The following FBXL7 variants were observed in gnomAD, a reference collection of about 807,000 sequenced individuals.
FBXL7 encodes the protein F-box/LRR-repeat protein 7.
Under a neutral mutation model 38.3 loss-of-function variants are expected in FBXL7, and 12 were observed. The ratio of observed to expected loss-of-function variants is 0.31; its 90% CI spans 0.20 to 0.51. The LOEUF (loss-of-function observed/expected upper bound fraction) is 0.51, where lower values mean the gene tolerates loss of function less well. FBXL7 is among the 20% of genes least tolerant of loss of function. The pLI is 0.98. For missense variants in FBXL7, 567 were observed against 676.4 expected (o/e 0.84, Z 1.79); for synonymous variants, 297 against 300.9 (o/e 0.99, Z 0.13).
chr5:15,769,843 T>A (rs1736682673), intron 2 of FBXL7, among the ~76,000 whole-genome samples: 1 of 152,170 alleles, frequency 6.6e-6, no homozygotes, highest in South Asian at 2.1e-4. Flanking sequence ...AATCTTACTA[T>A]CATCATATAA....
intron 2 of FBXL7, among the ~76,000 whole-genome samples, chr5:15,658,148 A>G (rs1580439427): frequency 6.6e-6 from 1 of 152,338 alleles, no homozygotes; most frequent in South Asian, 2.1e-4. Flanking sequence ...GAAGGAGTAC[A>G]GTGTCCTGTG....
intron 1 of FBXL7, among the ~76,000 whole-genome samples, chr5:15,603,243 A>G (rs1391676865): frequency 1.3e-5 from 2 of 152,216 alleles, no homozygotes; most frequent in African/African-American, 4.8e-5. Context: ...AATCCTTTGC[A>G]TACAATAAGT....
chr5:15,540,433 C>T (rs1580359225), intron 1 of FBXL7, among the ~76,000 whole-genome samples: 1 of 152,140 alleles, frequency 6.6e-6, no homozygotes, highest in South Asian at 2.1e-4. Flanking sequence ...GTGCGAACTC[C>T]TACCTGCCTC....
chr5:15,828,306 A>T (rs1258691766), intron 2 of FBXL7, among the ~76,000 whole-genome samples: 5 of 152,220 alleles, frequency 3.3e-5, no homozygotes, highest in Non-Finnish European at 7.3e-5. Flanking sequence ...ACACCCAGAT[A>T]AATTCGATTT....
Position 15,802,647 on chromosome 5 carries a change from CA to C in FBXL7, c.128-125242del, listed in dbSNP as rs1447084521. Among the ~76,000 whole-genome samples the C allele has an allele frequency of 1.1e-4, 16 of 151,252 alleles. No homozygotes were observed. The East Asian group carries it at 2.3e-3, about 22-fold the overall frequency. On this transcript the variant is annotated intron_variant, in intron 2 of 3. Transcript: ENST00000504595. ...TAGCACTGCTCTCTCTCAGCACCAC[CA>C]CATCATCCTTTTTTTTTTTTTTAAA...
chr5:15,856,758 T>G (rs748987781), intron 2 of FBXL7, among the ~76,000 whole-genome samples: 7 of 152,084 alleles, frequency 4.6e-5, no homozygotes, highest in Non-Finnish European at 1.0e-4. Context: ...TTCTTTCTTT[T>G]CAAAATGTGA....
At chr5:15,852,299 G>C (rs147635885) in intron 2 of FBXL7, among the ~76,000 whole-genome samples, 5 of 152,282 alleles carry the variant, frequency 3.3e-5, no homozygotes, top group African/African-American at 1.2e-4. Flanking sequence ...ACTTTGTTTT[G>C]TTTTTAACCA....
At chr5:15,791,007 G>A (rs576166164) in intron 2 of FBXL7, among the ~76,000 whole-genome samples, 14 of 147,082 alleles carry the variant, frequency 9.5e-5, no homozygotes, top group Admixed American at 2.7e-4. Context: ...GGTAGACAGA[G>A]TATGGGCTGT....
At chr5:15,643,257 C>T (rs560339038) in intron 2 of FBXL7, among the ~76,000 whole-genome samples, 2 of 152,190 alleles carry the variant, frequency 1.3e-5, no homozygotes, top group Non-Finnish European at 2.9e-5. Flanking sequence ...TTTCCCCTTG[C>T]TGCAGTATTT....
At chr5:15,591,524 G>A (rs1739474802) in intron 1 of FBXL7, among the ~76,000 whole-genome samples, 1 of 152,102 alleles carries the variant, frequency 6.6e-6, no homozygotes, top group Admixed American at 6.6e-5. Context: ...CTTGTTAAAG[G>A]TTTGGGCACC....
chr5:15,844,694 G>A (rs549721849), intron 2 of FBXL7, among the ~76,000 whole-genome samples: 1 of 152,276 alleles, frequency 6.6e-6, no homozygotes, highest in African/African-American at 2.4e-5. Context: ...AGGTGGGAGT[G>A]TGAGAGAAAA....
At chr5:15,677,850 T>G (rs1457485441) in intron 2 of FBXL7, among the ~76,000 whole-genome samples, 2 of 152,170 alleles carry the variant, frequency 1.3e-5, no homozygotes, top group African/African-American at 2.4e-5. Context: ...ATTTCTGGTC[T>G]TTTTAAGGTC....
intron 2 of FBXL7, among the ~76,000 whole-genome samples, chr5:15,680,296 A>G (rs910842979): frequency 9.9e-5 from 15 of 152,216 alleles, no homozygotes; most frequent in African/African-American, 3.6e-4. Context: ...TTCTTTTAGT[A>G]TATAAGAAGG....
intron 2 of FBXL7, among the ~76,000 whole-genome samples, chr5:15,807,269 A>G (rs1737739103): frequency 6.6e-6 from 1 of 152,160 alleles, no homozygotes; most frequent in Non-Finnish European, 1.5e-5. Context: ...AGTAAGTAAG[A>G]TATTTTATAA....
intron 2 of FBXL7, among the ~76,000 whole-genome samples, chr5:15,767,711 C>G (rs1484185284): frequency 6.6e-6 from 1 of 152,130 alleles, no homozygotes; most frequent in Admixed American, 6.6e-5. Flanking sequence ...TTATTTTTGA[C>G]AATCTTTTAT....
chr5:15,880,913 T>C (rs1579562739), intron 2 of FBXL7, among the ~76,000 whole-genome samples: 2 of 151,892 alleles, frequency 1.3e-5, no homozygotes, highest in East Asian at 3.9e-4. Context: ...AGCTTTATTA[T>C]TCTATGATTC....
At chr5:15,760,085 T>C (rs1736398280) in intron 2 of FBXL7, among the ~76,000 whole-genome samples, 1 of 152,166 alleles carries the variant, frequency 6.6e-6, no homozygotes, top group African/African-American at 2.4e-5. Context: ...CCTTGTTTTT[T>C]TGTTAGAATG....
At chr5:15,821,028 C>T (rs1738155114) in intron 2 of FBXL7, among the ~76,000 whole-genome samples, 1 of 152,208 alleles carries the variant, frequency 6.6e-6, no homozygotes. Flanking sequence ...TACTGCAGTA[C>T]TGTCTTCCTG....
intron 2 of FBXL7, among the ~76,000 whole-genome samples, chr5:15,925,165 CTTGAA>C (rs1198407257): frequency 6.6e-6 from 1 of 152,152 alleles, no homozygotes; most frequent in Non-Finnish European, 1.5e-5. Flanking sequence ...GCGCAAATGT[CTTGAA>C]TTGAATGGTA....
Sources: gnomAD v4.1 joint callset for allele counts (sites outside exome capture counted in the v4.1 genomes callset) on GRCh38, gnomAD v4.1.1 for gene constraint, MANE v1.5 for transcripts, NCBI Gene and HGNC (gene_info 2026-07-23, HGNC 2026-07-21) for gene names.